Variants in FMN1 observed in about 807,000 individuals in gnomAD.
FMN1 encodes formin 1, also known as formin-1.
A neutral mutation model predicts 132.4 loss-of-function variants in FMN1; 110 were observed. The observed-to-expected ratio is 0.83, with a 90% CI of 0.71 to 0.97. The LOEUF (loss-of-function observed/expected upper bound fraction) is 0.97, where lower values mean the gene tolerates loss of function less well. FMN1 is among the 50% of genes least tolerant of loss of function. FMN1 has a pLI of 0.00. For missense variants in FMN1, 1,792 were observed against 1,705.3 expected, an observed-to-expected ratio of 1.05 and a Z score of -0.90; for synonymous variants, 722 against 651.7, an observed-to-expected ratio of 1.11 and a Z score of -1.64.
chr15:32,993,751 G>A (rs1001785589), intron 7 of FMN1, among the ~76,000 whole-genome samples: 16 of 152,132 alleles, frequency 1.1e-4, no homozygotes, highest in South Asian at 6.2e-4. Flanking sequence ...AGCACCGGTA[G>A]AAAGGTAATG....
chr15:33,123,497 G>A (rs565484973), intron 4 of FMN1, among the ~76,000 whole-genome samples: 2 of 152,206 alleles, frequency 1.3e-5, no homozygotes, highest in African/African-American at 2.4e-5. Context: ...AGCATATTAA[G>A]TAATAAATAT....
intron 10 of FMN1, among the ~76,000 whole-genome samples, chr15:32,913,898 T>C (rs12904054): frequency 0.25 from 38,559 of 152,060 alleles, 5,212 homozygotes; most frequent in Non-Finnish European, 0.31. Context: ...GAAAAGCTTC[T>C]TGACAAAGAG....
At chr15:32,876,411 C>T (rs550399534) in intron 16 of FMN1, among the ~76,000 whole-genome samples, 6 of 152,244 alleles carry the variant, frequency 3.9e-5, no homozygotes, top group Non-Finnish European at 8.8e-5. Flanking sequence ...GGTCCTGGAA[C>T]AGAAAGGGGA....
At chr15:32,880,478 GT>G (rs1024773606) in intron 16 of FMN1, among the ~76,000 whole-genome samples, 4 of 152,078 alleles carry the variant, frequency 2.6e-5, no homozygotes, top group Admixed American at 1.3e-4. Context: ...TTCTTTCAAT[GT>G]CTGGCTGCCA....
intron 7 of FMN1, 70 bp from the exon 8 acceptor site, chr15:32,969,547 AAT>A: frequency 6.6e-7 from 1 of 1,516,050 alleles, no homozygotes; most frequent in Non-Finnish European, 8.9e-7. Context: ...TTAGAAACTC[AAT>A]AATACCATCA....
intron 4 of FMN1, among the ~76,000 whole-genome samples, chr15:33,099,245 C>G (rs981542853): frequency 6.6e-6 from 1 of 152,198 alleles, no homozygotes; most frequent in Non-Finnish European, 1.5e-5. Context: ...GAGGCAAGAT[C>G]GTGCCATTGC....
intron 6 of FMN1, among the ~76,000 whole-genome samples, chr15:33,015,038 G>A (rs997114264): frequency 6.6e-6 from 1 of 152,190 alleles, no homozygotes; most frequent in Admixed American, 6.5e-5. Flanking sequence ...TTACTTTACA[G>A]ATGAGAAAAC....
intron 16 of FMN1, among the ~76,000 whole-genome samples, chr15:32,858,698 A>C (rs574944477): frequency 1.2e-3 from 179 of 152,354 alleles, no homozygotes; most frequent in Non-Finnish European, 2.0e-3. Flanking sequence ...TATTGAAAAA[A>C]TACAAATCTT....
At chr15:32,851,394 C>G (rs1172461621) in intron 17 of FMN1, among the ~76,000 whole-genome samples, 1 of 152,158 alleles carries the variant, frequency 6.6e-6, no homozygotes, top group African/African-American at 2.4e-5. Context: ...ATTATAGGAT[C>G]CCTGCCATGT....
intron 4 of FMN1, among the ~76,000 whole-genome samples, chr15:33,152,644 C>T (rs1964484320): frequency 6.6e-6 from 1 of 152,020 alleles, no homozygotes; most frequent in South Asian, 2.1e-4. Flanking sequence ...ACTCCAGCAG[C>T]ATGAATGGCA....
At chr15:32,907,175 T>G (rs2141638908) in intron 12 of FMN1, among the ~76,000 whole-genome samples, 1 of 152,018 alleles carries the variant, frequency 6.6e-6, no homozygotes, top group South Asian at 2.1e-4. Flanking sequence ...CACATTACAT[T>G]TATTGTGCAC....
chr15:32,922,499 T>C (rs192791361), intron 10 of FMN1, among the ~76,000 whole-genome samples: 6 of 152,278 alleles, frequency 3.9e-5, no homozygotes, highest in East Asian at 1.9e-4. Flanking sequence ...TGTTAAGGTA[T>C]AGAGAAGCAA....
intron 17 of FMN1, among the ~76,000 whole-genome samples, chr15:32,812,832 A>G (rs533062338): frequency 7.2e-5 from 11 of 152,352 alleles, no homozygotes; most frequent in East Asian, 5.8e-4. Context: ...ACCTTCTACA[A>G]TAGAAATATT....
intron 5 of FMN1, among the ~76,000 whole-genome samples, chr15:33,082,894 A>T (rs1202034640): frequency 6.6e-6 from 1 of 152,144 alleles, no homozygotes; most frequent in Non-Finnish European, 1.5e-5. Flanking sequence ...AAAAACCAAA[A>T]AATTTTGTAA....
At chr15:33,034,905 C>T (rs1219849920) in intron 6 of FMN1, among the ~76,000 whole-genome samples, 4 of 152,158 alleles carry the variant, frequency 2.6e-5, no homozygotes, top group African/African-American at 4.8e-5. Flanking sequence ...CATTCTCTAA[C>T]AGCTCCCCAT....
intron 13 of FMN1, 101 bp from the exon 14 acceptor site, chr15:32,900,226 G>C: frequency 7.9e-7 from 1 of 1,270,742 alleles, no homozygotes; most frequent in South Asian, 1.2e-5. Context: ...CTGTCGGGAG[G>C]CTTGGTACCA....
At chr15:32,952,625 G>C (rs1567453821) in intron 9 of FMN1, among the ~76,000 whole-genome samples, 1 of 152,172 alleles carries the variant, frequency 6.6e-6, no homozygotes, top group African/African-American at 2.4e-5. Context: ...GTCCACAAGA[G>C]AGTAAAAAGT....
chr15:32,994,620 T>A (rs1294115319), intron 7 of FMN1, among the ~76,000 whole-genome samples: 1 of 152,218 alleles, frequency 6.6e-6, no homozygotes, highest in Non-Finnish European at 1.5e-5. Context: ...GCCTATTATC[T>A]GTCCTGCTCC....
intron 6 of FMN1, among the ~76,000 whole-genome samples, chr15:33,029,834 T>C (rs554473412): frequency 6.6e-6 from 1 of 152,038 alleles, no homozygotes; most frequent in South Asian, 2.1e-4. Context: ...ATGATAGAAG[T>C]TGGTAGGTAG....
Sources: gnomAD v4.1 joint callset for allele counts (sites outside exome capture counted in the v4.1 genomes callset) on GRCh38, gnomAD v4.1.1 for gene constraint, MANE v1.5 for transcripts, NCBI Gene and HGNC (gene_info 2026-07-23, HGNC 2026-07-21) for gene names.